Variants in FAM174A observed in about 807,000 individuals in gnomAD.
The protein encoded by FAM174A is family with sequence similarity 174 member A, also known as membrane protein FAM174A.
FAM174A carries 14 observed loss-of-function variants against 14.3 expected under a neutral mutation model. The ratio of observed to expected loss-of-function variants is 0.98; its 90% CI spans 0.65 to 1.53. The LOEUF (loss-of-function observed/expected upper bound fraction) is 1.53, where lower values mean the gene tolerates loss of function less well. Ranked by LOEUF, FAM174A falls within the 40% of genes most tolerant of loss-of-function variation. FAM174A has a pLI of 0.00. For missense variants in FAM174A, 241 were observed against 249.6 expected, an observed-to-expected ratio of 0.97 and a Z score of 0.23; for synonymous variants, 108 against 111.4, an observed-to-expected ratio of 0.97 and a Z score of 0.19.
chr5:100,539,985 C>T (rs1436277661), intron 1 of FAM174A, among the ~76,000 whole-genome samples: 1 of 151,990 alleles, frequency 6.6e-6, no homozygotes, highest in Non-Finnish European at 1.5e-5. Context: ...CCCTGCATTC[C>T]TTCCCTCATC....
intron 2 of FAM174A, 23 bp downstream of exon 2, chr5:100,562,211 T>G: frequency 6.4e-7 from 1 of 1,556,524 alleles, no homozygotes. Context: ...GTAGTTTAAT[T>G]CCATGAATCA....
chr5:100,576,156 A>G (rs934350340), intron 2 of FAM174A, among the ~76,000 whole-genome samples: 21 of 152,316 alleles, frequency 1.4e-4, no homozygotes, highest in African/African-American at 5.1e-4. Flanking sequence ...TTGGTCATTA[A>G]GATGTAGAGT....
At chr5:100,562,224 A>T in intron 2 of FAM174A, 36 bp downstream of exon 2, 1 of 1,543,948 alleles carries the variant, frequency 6.5e-7, no homozygotes, top group South Asian at 1.2e-5. Context: ...ATGAATCAGG[A>T]AGCAAGTCCT....
chr5:100,536,291 ACTT>A (rs1360458010), intron 1 of FAM174A, among the ~76,000 whole-genome samples: 2 of 152,138 alleles, frequency 1.3e-5, no homozygotes, highest in Non-Finnish European at 2.9e-5. Context: ...GTCTTGTAAT[ACTT>A]CTACCTTTCT....
At chr5:100,538,198 G>A (rs1745977257) in intron 1 of FAM174A, among the ~76,000 whole-genome samples, 1 of 152,018 alleles carries the variant, frequency 6.6e-6, no homozygotes, top group Admixed American at 6.6e-5. Context: ...CCAGATTATG[G>A]TTTTCTTCAT....
chr5:100,543,263 G>T (rs26029), intron 1 of FAM174A, among the ~76,000 whole-genome samples: 31,983 of 151,786 alleles, frequency 0.21, 3,631 homozygotes, highest in African/African-American at 0.26. Context: ...GACTACAGGC[G>T]CACGCCACCA....
At chr5:100,585,361 C>T (rs1400531547) in intron 2 of FAM174A, among the ~76,000 whole-genome samples, 1 of 152,030 alleles carries the variant, frequency 6.6e-6, no homozygotes, top group Non-Finnish European at 1.5e-5. Flanking sequence ...AATAAATCAG[C>T]ATCTACATTT....
At chr5:100,580,188 G>A (rs7716926) in intron 2 of FAM174A, among the ~76,000 whole-genome samples, 3,034 of 152,202 alleles carry the variant, frequency 0.02, 111 homozygotes, top group African/African-American at 0.07. Flanking sequence ...TGTAAGAATT[G>A]CCCCTGTCTG....
intron 1 of FAM174A, among the ~76,000 whole-genome samples, chr5:100,549,490 C>T (rs1746221790): frequency 6.6e-6 from 1 of 151,946 alleles, no homozygotes; most frequent in Non-Finnish European, 1.5e-5. Context: ...CAACAGGAGA[C>T]AAACATAATC....
chr5:100,558,918 G>T (rs1361183674), intron 1 of FAM174A, among the ~76,000 whole-genome samples: 5 of 152,012 alleles, frequency 3.3e-5, no homozygotes, highest in Non-Finnish European at 5.9e-5. Flanking sequence ...CTTTTAATTG[G>T]AGCATTTAGC....
At chr5:100,554,643 A>G (rs552409283) in intron 1 of FAM174A, among the ~76,000 whole-genome samples, 1 of 151,958 alleles carries the variant, frequency 6.6e-6, no homozygotes, top group Admixed American at 6.6e-5. Context: ...AAGACAATAC[A>G]TTTATTATTT....
At chr5:100,563,096 A>G (rs1425680539) in intron 2 of FAM174A, among the ~76,000 whole-genome samples, 1 of 151,900 alleles carries the variant, frequency 6.6e-6, no homozygotes, top group East Asian at 1.9e-4. Flanking sequence ...CCATCTATCT[A>G]TCTAAGCTGT....
chr5:100,535,774 G>A lies in FAM174A; in HGVS notation c.244G>A (p.Gly82Ser). The change falls in exon 1 of 3, where the codon GGC becomes AGC. Residue 82 changes from glycine (G) to serine (S), a missense_variant. Transcript: ENST00000312637. The part of the protein sequence containing the change: ...EAAGPRGSEG[G>S]NGSNPVAGLE... ...TGCGGGGCCGCGGGGCTCCGAGGGA[G>A]GCAATGGCAGCAACCCTGTGGCCGG... 1.2e-6 allele frequency: 2 copies of A among 1,606,400 alleles called. No homozygotes were observed. Among genetic ancestry groups the A allele is most frequent in the Non-Finnish European group, 1.7e-6 (2 of 1,178,776 alleles).
intron 2 of FAM174A, among the ~76,000 whole-genome samples, chr5:100,572,238 T>C (rs1295658537): frequency 1.3e-5 from 2 of 151,482 alleles, no homozygotes; most frequent in Non-Finnish European, 2.9e-5. Flanking sequence ...AATATCTTTT[T>C]TTTTTTTACG....
intron 1 of FAM174A, among the ~76,000 whole-genome samples, 200 bp from the exon 2 acceptor site, chr5:100,561,854 G>T (rs1371475490): frequency 1.3e-5 from 2 of 151,858 alleles, no homozygotes; most frequent in Non-Finnish European, 2.9e-5. Flanking sequence ...AGAAGAAACA[G>T]GCGATGGCAC....
intron 1 of FAM174A, 78 bp from the exon 2 acceptor site, chr5:100,561,976 T>C: frequency 1.2e-6 from 1 of 828,742 alleles, no homozygotes; most frequent in Middle Eastern, 4.0e-4. Context: ...AGAAACAGAA[T>C]AATAATTTAT....
At chr5:100,577,370 A>G (rs535261373) in intron 2 of FAM174A, among the ~76,000 whole-genome samples, 13 of 152,224 alleles carry the variant, frequency 8.5e-5, no homozygotes, top group African/African-American at 3.1e-4. Flanking sequence ...GTAACTTAAA[A>G]AGCCCTAAAT....
At chr5:100,558,210 A>C (rs1045044112) in intron 1 of FAM174A, among the ~76,000 whole-genome samples, 2 of 152,224 alleles carry the variant, frequency 1.3e-5, no homozygotes, top group African/African-American at 4.8e-5. Flanking sequence ...GTAGTCATTC[A>C]GGAGCAGGTT....
At chr5:100,544,449 GAGA>G (rs1439177146) in intron 1 of FAM174A, among the ~76,000 whole-genome samples, 14 of 152,024 alleles carry the variant, frequency 9.2e-5, no homozygotes, top group Admixed American at 9.2e-4. Context: ...GAGACAGAGA[GAGA>G]AGGAGAGGAG....
Sources: allele counts gnomAD v4.1 joint callset (sites outside exome capture counted in the v4.1 genomes callset), GRCh38; gene constraint gnomAD v4.1.1; transcripts MANE v1.5; gene names NCBI Gene and HGNC (gene_info 2026-07-23, HGNC 2026-07-21).